The following PAPSS1 variants were observed in gnomAD, a reference collection of about 807,000 sequenced individuals.
The protein encoded by PAPSS1 is bifunctional 3'-phosphoadenosine 5'-phosphosulfate synthase 1.
In PAPSS1, 50 loss-of-function variants were observed where a neutral mutation model predicts 72.0. The ratio of observed to expected loss-of-function variants is 0.69; its 90% CI spans 0.55 to 0.88. PAPSS1 has a LOEUF of 0.88. Ranked by LOEUF, PAPSS1 falls within the 40% of genes least tolerant of loss-of-function variation. The pLI is 0.00. For synonymous variants in PAPSS1, 261 were observed against 263.6 expected, an observed-to-expected ratio of 0.99 and a Z score of 0.09; for missense variants, 657 against 782.2, an observed-to-expected ratio of 0.84 and a Z score of 1.91.
At chr4:107,634,166 C>G (rs148642381) in intron 10 of PAPSS1, among the ~76,000 whole-genome samples, 2 of 151,708 alleles carry the variant, frequency 1.3e-5, no homozygotes, top group Non-Finnish European at 2.9e-5. Flanking sequence ...CACAGAGATG[C>G]GCCACCATGC....
At chr4:107,715,556 C>T (rs767816546) in intron 1 of PAPSS1, among the ~76,000 whole-genome samples, 7 of 152,078 alleles carry the variant, frequency 4.6e-5, no homozygotes, top group African/African-American at 1.4e-4. Flanking sequence ...TGGCCTTCTA[C>T]GAAAAACATC....
intron 1 of PAPSS1, among the ~76,000 whole-genome samples, chr4:107,711,634 TC>T (rs1488484405): frequency 5.3e-5 from 8 of 152,124 alleles, no homozygotes; most frequent in Non-Finnish European, 1.0e-4. Flanking sequence ...CAATGAGAAA[TC>T]CCTGAAATGG....
chr4:107,693,737 T>G (rs1361276789), intron 3 of PAPSS1, 34 bp downstream of exon 3: 3 of 1,444,234 alleles, frequency 2.1e-6, no homozygotes, highest in African/African-American at 2.8e-5. Flanking sequence ...TCAATAAATG[T>G]AAGCAGAAAG....
chr4:107,699,505 A>G (rs1471552888), intron 2 of PAPSS1, among the ~76,000 whole-genome samples: 2 of 152,208 alleles, frequency 1.3e-5, no homozygotes, highest in East Asian at 1.9e-4. Flanking sequence ...AGACACCCTC[A>G]TAAATCTATG....
At chr4:107,669,318 T>C (rs910081078) in intron 5 of PAPSS1, among the ~76,000 whole-genome samples, 4 of 152,206 alleles carry the variant, frequency 2.6e-5, no homozygotes, top group Non-Finnish European at 2.9e-5. Flanking sequence ...GGATTCAACT[T>C]AGTGAGAAAA....
chr4:107,651,666 C>T (rs1357208768), intron 9 of PAPSS1, among the ~76,000 whole-genome samples: 1 of 152,058 alleles, frequency 6.6e-6, no homozygotes, highest in African/African-American at 2.4e-5. Context: ...CTTACTGTCA[C>T]GAGAATAGCA....
At chr4:107,631,465 C>T (rs1726222963) in intron 11 of PAPSS1, among the ~76,000 whole-genome samples, 166 bp downstream of exon 11, 1 of 152,194 alleles carries the variant, frequency 6.6e-6, no homozygotes, top group Non-Finnish European at 1.5e-5. Context: ...TTTATTTCTA[C>T]TTCTAATTTC....
chr4:107,672,338 G>A (rs6839684), intron 5 of PAPSS1, among the ~76,000 whole-genome samples: 5,733 of 152,286 alleles, frequency 0.038, 331 homozygotes, highest in African/African-American at 0.13. Flanking sequence ...GGTGACACAC[G>A]GCACCTGGAA....
Position 107,654,916 on chromosome 4 carries a change from G to C in PAPSS1, c.896-16C>G, listed in dbSNP as rs745578268. ...ATGACACCTCCTGCAGAGCACAAAA[G>C]AACATGAAGCACACAGCTTGAATTA... On this transcript the variant is annotated splice_polypyrimidine_tract_variant and intron_variant, in intron 7 of 11. Transcript: ENST00000265174. 6.3e-7 allele frequency: 1 copy of C among 1,595,450 alleles called. No individual in the cohort carries two copies. Among genetic ancestry groups the C allele is most frequent in the East Asian group, 2.2e-5 (1 of 44,732 alleles).
At chr4:107,617,308 C>T (rs1240055908) in intron 11 of PAPSS1, among the ~76,000 whole-genome samples, 1 of 151,396 alleles carries the variant, frequency 6.6e-6, no homozygotes, top group Admixed American at 6.6e-5. Context: ...CAACTTGACA[C>T]TTGGTTCCCG....
At chr4:107,701,057 G>A (rs1455177181) in intron 2 of PAPSS1, 114 bp downstream of exon 2, 13 of 518,016 alleles carry the variant, frequency 2.5e-5, no homozygotes, top group Non-Finnish European at 3.7e-5. Context: ...GTTATATGTC[G>A]TGATGCTCCA....
chr4:107,659,860 T>C (rs1309948799), intron 6 of PAPSS1, 99 bp downstream of exon 6: 2 of 648,496 alleles, frequency 3.1e-6, no homozygotes, highest in Non-Finnish European at 5.4e-6. Flanking sequence ...CCCCAGCTAA[T>C]ACCACCCCTG....
At chr4:107,614,522 A>G (rs1725770617) in intron 11 of PAPSS1, 135 bp from the exon 12 acceptor site, 1 of 607,702 alleles carries the variant, frequency 1.6e-6, no homozygotes, top group African/African-American at 1.9e-5. Context: ...GTGAATATAA[A>G]TCTCATTTCA....
intron 1 of PAPSS1, among the ~76,000 whole-genome samples, chr4:107,702,233 C>T (rs969217736): frequency 2.0e-5 from 3 of 151,984 alleles, no homozygotes; most frequent in African/African-American, 4.8e-5. Context: ...TTTGTTGTTG[C>T]GAAAATAGTA....
chr4:107,631,354 T>C (rs1726220786), intron 11 of PAPSS1, among the ~76,000 whole-genome samples: 1 of 152,246 alleles, frequency 6.6e-6, no homozygotes, highest in East Asian at 1.9e-4. Context: ...AAACTAGTTA[T>C]GCTCAGTAAG....
intron 5 of PAPSS1, 81 bp from the exon 6 acceptor site, chr4:107,660,153 C>A (rs1170927078): frequency 8.1e-6 from 6 of 743,346 alleles, no homozygotes; most frequent in Non-Finnish European, 1.1e-5. Context: ...TGAAGAAAAT[C>A]TCTCAAAATA....
At chr4:107,683,685 A>C (rs1413740052) in intron 4 of PAPSS1, among the ~76,000 whole-genome samples, 1 of 152,216 alleles carries the variant, frequency 6.6e-6, no homozygotes, top group African/African-American at 2.4e-5. Flanking sequence ...AAACTATCTT[A>C]AGCAGTCATC....
At chr4:107,653,688 C>T (rs758426173) in intron 8 of PAPSS1, 62 bp from the exon 9 acceptor site, 81 of 1,405,516 alleles carry the variant, frequency 5.8e-5, no homozygotes, top group Non-Finnish European at 7.1e-5. Flanking sequence ...AAACATTTCT[C>T]TCATATAAGC....
chr4:107,694,926 T>C (rs1723028393), intron 2 of PAPSS1, among the ~76,000 whole-genome samples: 1 of 149,596 alleles, frequency 6.7e-6, no homozygotes, highest in African/African-American at 2.4e-5. Context: ...AAAGAATTCA[T>C]GGTAGTACAG....
Sources: gnomAD v4.1 joint callset for allele counts (sites outside exome capture counted in the v4.1 genomes callset) on GRCh38, gnomAD v4.1.1 for gene constraint, MANE v1.5 for transcripts, NCBI Gene and HGNC (gene_info 2026-07-23, HGNC 2026-07-21) for gene names.